The following STRN variants were observed in gnomAD, a reference collection of about 807,000 sequenced individuals.
STRN encodes striatin, also known as protein phosphatase 2 regulatory subunit B'''alpha.
STRN carries 53 observed loss-of-function variants against 96.3 expected under a neutral mutation model. That is an observed-to-expected ratio of 0.55 (90% confidence interval 0.44 to 0.69). The LOEUF (loss-of-function observed/expected upper bound fraction) is 0.69, where lower values mean the gene tolerates loss of function less well. Among genes scored for constraint, STRN ranks in the 30% least tolerant of loss-of-function variants. STRN has a pLI of 0.00. For synonymous variants in STRN, 428 were observed against 355.9 expected (o/e 1.20, Z -2.28); for missense variants, 987 against 963.9 (o/e 1.02, Z -0.32).
At position 36,959,070 on chromosome 2, in the gene STRN, T is replaced by C. The variant is rs1572702665; in HGVS notation, c.234+7160A>G. 2.0e-5 allele frequency among the ~76,000 whole-genome samples: 3 copies of C among 152,206 alleles called. No individual in the cohort carries two copies. The South Asian group carries it at 6.2e-4, about 32-fold the overall frequency. ...GGCGGAGGTTGCAGTGAGCCGAGAT[T>C]GTGCCACTGCACTCCAGCCTGGGCG... On this transcript the variant is annotated intron_variant, in intron 1 of 17. Coordinates refer to ENST00000263918, the MANE Select transcript of STRN (RefSeq NM_003162.4).
intron 16 of STRN, 97 bp downstream of exon 16, chr2:36,850,903 G>T (rs770320778): frequency 4.0e-5 from 36 of 889,228 alleles, no homozygotes; most frequent in Middle Eastern, 2.7e-4. Context: ...CCTATTCCCT[G>T]ACTACGAAAC....
intron 1 of STRN, among the ~76,000 whole-genome samples, chr2:36,933,441 A>G (rs367816112): frequency 3.3e-5 from 5 of 152,326 alleles, no homozygotes; most frequent in East Asian, 1.9e-4. Context: ...AGAGAATAAG[A>G]TATCAATCAA....
At chr2:36,887,007 T>C (rs1023907890) in intron 7 of STRN, among the ~76,000 whole-genome samples, 181 bp from the exon 8 acceptor site, 8 of 150,904 alleles carry the variant, frequency 5.3e-5, no homozygotes, top group Non-Finnish European at 1.0e-4. Context: ...GAAGAAATGA[T>C]CAGTGCAATT....
Position 36,847,727 on chromosome 2 carries a change from A to T in STRN, c.*1729T>A, listed in dbSNP as rs1168839321. The T allele has an allele frequency of 6.6e-6, 1 of 152,198 alleles. No homozygotes were observed. The highest frequency in any genetic ancestry group is 1.9e-4 in the East Asian group (1 of 5,200). 9.4% of individuals were successfully genotyped at this position (152,198 alleles called of 1,614,324 possible). On this transcript the variant is annotated 3_prime_UTR_variant, in exon 18 of 18. Coordinates refer to ENST00000263918, the MANE Select transcript of STRN (RefSeq NM_003162.4). ...TGTATAATGCAGAATTCTAGAGGCA[A>T]ACAGGCAGAAATTTTACAGAAATAT... is the stretch of plus-strand genomic sequence containing the variant.
chr2:36,895,756 C>CAA (rs55863837), intron 6 of STRN, among the ~76,000 whole-genome samples: 11 of 130,912 alleles, frequency 8.4e-5, no homozygotes, highest in African/African-American at 3.4e-4. Context: ...ACTAAAAATA[C>CAA]AAAAAAAAAA....
chr2:36,932,024 T>C (rs955882472), intron 1 of STRN, among the ~76,000 whole-genome samples: 2 of 152,192 alleles, frequency 1.3e-5, no homozygotes, highest in African/African-American at 4.8e-5. Flanking sequence ...TCTTGCTATG[T>C]TGCCAGGCTG....
chr2:36,949,113 A>G (rs1664686493), intron 1 of STRN, among the ~76,000 whole-genome samples: 1 of 152,190 alleles, frequency 6.6e-6, no homozygotes, highest in South Asian at 2.1e-4. Flanking sequence ...GTTTAGATAC[A>G]CAAATATTCG....
intron 1 of STRN, among the ~76,000 whole-genome samples, chr2:36,952,738 G>A (rs1453763041): frequency 2.0e-5 from 3 of 152,202 alleles, no homozygotes; most frequent in Non-Finnish European, 4.4e-5. Context: ...AAAGTACTGG[G>A]TTGAATTACT....
chr2:36,897,429 TA>T (rs201662533), intron 6 of STRN, among the ~76,000 whole-genome samples: 3 of 147,880 alleles, frequency 2.0e-5, no homozygotes, highest in African/African-American at 7.5e-5. Flanking sequence ...CAAAAAAAAC[TA>T]AAAAATATAT....
Position 36,861,273 on chromosome 2 carries a change from A to T in STRN, c.1548-20T>A. 1.2e-6 allele frequency: 2 copies of T among 1,607,034 alleles called. No individual in the cohort carries two copies. Among genetic ancestry groups the T allele is most frequent in the Non-Finnish European group, 1.7e-6 (2 of 1,178,072 alleles). ...GGACCTCTGGGAGATTAAAAAAAAT[A>T]AATCAACTGCTATTCTCAAAAACCA... On this transcript the variant is annotated intron_variant, in intron 12 of 17. Coordinates refer to ENST00000263918, the MANE Select transcript of STRN (RefSeq NM_003162.4).
At chr2:36,883,785 G>A in intron 9 of STRN, 147 bp downstream of exon 9, 1 of 779,528 alleles carries the variant, frequency 1.3e-6, no homozygotes, top group Non-Finnish European at 1.8e-6. Flanking sequence ...TCCCTTGAAT[G>A]TAAGAAAGCT....
chr2:36,937,707 A>G (rs1266459269), intron 1 of STRN, among the ~76,000 whole-genome samples: 2 of 151,900 alleles, frequency 1.3e-5, no homozygotes, highest in Non-Finnish European at 2.9e-5. Context: ...AAAAGAGAAG[A>G]AGGAAATAAG....
intron 12 of STRN, among the ~76,000 whole-genome samples, chr2:36,866,544 C>T (rs2717514): frequency 0.94 from 142,730 of 152,240 alleles, 67,611 homozygotes; most frequent in East Asian, 1. Context: ...TCTGTAGATA[C>T]ATGTTAGGTC....
chr2:36,870,487 C>T (rs1299782967), intron 10 of STRN, among the ~76,000 whole-genome samples: 5 of 152,044 alleles, frequency 3.3e-5, no homozygotes, highest in Admixed American at 6.6e-5. Context: ...TTTTGGTCAA[C>T]GATGGACCAC....
chr2:36,935,796 G>A (rs771581026), intron 1 of STRN, among the ~76,000 whole-genome samples: 19 of 151,932 alleles, frequency 1.3e-4, no homozygotes, highest in Non-Finnish European at 2.4e-4. Flanking sequence ...CACAGTAAAT[G>A]GAAAAAAACA....
intron 7 of STRN, among the ~76,000 whole-genome samples, chr2:36,890,343 T>A (rs766979650): frequency 6.6e-6 from 1 of 152,144 alleles, no homozygotes; most frequent in African/African-American, 2.4e-5. Flanking sequence ...AGAAGTGTCA[T>A]TGGTACCATG....
rs932813798 is a variant in STRN at position 36,840,430 on chromosome 2, T to C, written c.*9026A>G. On this transcript the variant is annotated 3_prime_UTR_variant, in exon 18 of 18. Coordinates refer to ENST00000263918, the MANE Select transcript of STRN (RefSeq NM_003162.4). ...AAGACGTTGCTACTCAGGCATTTTGTTGCTACCTGTGAGGTAAAGTCCAAA... is the reference window on the plus strand; with the variant it reads ...AAGACGTTGCTACTCAGGCATTTTGCTGCTACCTGTGAGGTAAAGTCCAAA... The C allele has an allele frequency of 6.6e-6, 1 of 152,156 alleles. No individual in the cohort carries two copies. The highest frequency in any genetic ancestry group is 1.5e-5 in the Non-Finnish European group (1 of 68,048). 9.4% of individuals were successfully genotyped at this position (152,156 alleles called of 1,614,324 possible).
At chr2:36,951,198 A>T (rs1222279572) in intron 1 of STRN, among the ~76,000 whole-genome samples, 1 of 152,198 alleles carries the variant, frequency 6.6e-6, no homozygotes, top group Non-Finnish European at 1.5e-5. Flanking sequence ...TGTCAAAGAG[A>T]TTTCCTGGCA....
intron 1 of STRN, among the ~76,000 whole-genome samples, chr2:36,936,491 C>A (rs758874751): frequency 2.0e-5 from 3 of 152,080 alleles, no homozygotes; most frequent in Non-Finnish European, 4.4e-5. Context: ...TGAATGAACA[C>A]GTAATCTGAT....
Sources: allele counts gnomAD v4.1 joint callset (sites outside exome capture counted in the v4.1 genomes callset), GRCh38; gene constraint gnomAD v4.1.1; transcripts MANE v1.5; gene names NCBI Gene and HGNC (gene_info 2026-07-23, HGNC 2026-07-21).